The following SGSM3 variants were observed in gnomAD, a reference collection of about 807,000 sequenced individuals.
SGSM3 encodes RUN and SH3 containing 3.
A neutral mutation model predicts 100.5 loss-of-function variants in SGSM3; 96 were observed. The observed-to-expected ratio is 0.96, with a 90% confidence interval of 0.81 to 1.13. SGSM3 has a LOEUF of 1.13. Ranked by LOEUF, SGSM3 falls within the 50% of genes most tolerant of loss-of-function variation. SGSM3 has a pLI of 0.00. For missense variants in SGSM3, 1,001 were observed against 1,015.8 expected (o/e 0.99, Z 0.20); for synonymous variants, 483 against 422.8 (o/e 1.14, Z -1.75).
In SGSM3 at chr22:40,371,685, C is replaced by A. The variant is rs568658549; in HGVS notation, c.-112+997C>A. ...TGTTCTTGGTGATTAATTTGTAATT[C>A]TTCTTTTCTTTTCTTTTCTATTTTT... On this transcript the variant is annotated intron_variant, in intron 1 of 21. Coordinates refer to ENST00000248929, the MANE Select transcript of SGSM3 (RefSeq NM_015705.6). 5.3e-5 allele frequency among the ~76,000 whole-genome samples: 8 copies of A among 151,798 alleles called. No individual in the cohort carries two copies. In the South Asian group the frequency reaches 1.7e-3, roughly 32 times the overall value.
intron 1 of SGSM3, among the ~76,000 whole-genome samples, chr22:40,394,154 A>G (rs977610915): frequency 6.6e-6 from 1 of 152,064 alleles, no homozygotes; most frequent in East Asian, 1.9e-4. Context: ...GATGTTTCCA[A>G]CGTTTACATT....
intron 1 of SGSM3, among the ~76,000 whole-genome samples, chr22:40,385,543 G>A (rs745580636): frequency 2.0e-5 from 3 of 152,144 alleles, no homozygotes; most frequent in Non-Finnish European, 4.4e-5. Flanking sequence ...CTGAGAGGGC[G>A]GGCAGAAAGA....
At position 40,407,343 on chromosome 22, in the gene SGSM3, C is replaced by T; in HGVS notation, c.1368+15C>T. 1 of 1,613,226 alleles carries T rather than the reference C, an allele frequency of 6.2e-7. No homozygotes were observed. ...ACTGCAGCGTGGTGAGTCGCCAGCT[C>T]CCTGGGCTGCTACCAAACACGGCCC... is the stretch of plus-strand genomic sequence containing the variant. On this transcript the variant is annotated intron_variant, in intron 12 of 21. Coordinates refer to ENST00000248929, the MANE Select transcript of SGSM3 (RefSeq NM_015705.6). This position sits in a 1 kb window ranked among gnomAD's most constrained non-coding sequence, Gnocchi z 4.7.
chr22:40,373,528 G>A (rs142009483), intron 1 of SGSM3: 2 of 152,328 alleles, frequency 1.3e-5, no homozygotes, highest in East Asian at 3.9e-4. Context: ...CATGGATCTT[G>A]CCCTCAGGTA....
intron 1 of SGSM3, among the ~76,000 whole-genome samples, chr22:40,374,167 G>C (rs2046119987): frequency 6.6e-6 from 1 of 151,058 alleles, no homozygotes; most frequent in South Asian, 2.1e-4. Flanking sequence ...GTGTTAGCCA[G>C]AATGGTCTTG....
intron 4 of SGSM3, among the ~76,000 whole-genome samples, chr22:40,403,782 GGAGGT>G (rs899691617): frequency 6.6e-6 from 1 of 152,166 alleles, no homozygotes; most frequent in African/African-American, 2.4e-5. Flanking sequence ...ACAGCCTTTG[GGAGGT>G]GAGGGTAGCA....
Position 40,408,992 on chromosome 22 carries a change from C to T in SGSM3, c.1962C>T (p.Leu654=), listed in dbSNP as rs769920748. Residue 654 remains leucine (L), a synonymous_variant, in exon 19 of 22, where the codon CTC becomes CTT. Coordinates refer to ENST00000248929, the MANE Select transcript of SGSM3 (RefSeq NM_015705.6). ...TGCATGCACAAATGGATGTGAAGCTCCGCTCACTGATCTGCGTGGGGCTCA... is the reference window on the plus strand; with the variant it reads ...TGCATGCACAAATGGATGTGAAGCTTCGCTCACTGATCTGCGTGGGGCTCA... The part of the protein sequence containing the change: ...DAVHAQMDVK[L]RSLICVGLNE... 7.6e-6 allele frequency: 12 copies of T among 1,580,484 alleles called. No homozygotes were observed. The highest frequency in any genetic ancestry group is 5.7e-5 in the South Asian group (5 of 87,722).
At chr22:40,409,073 G>C (rs1434468544) in intron 19 of SGSM3, 55 bp downstream of exon 19, 1 of 1,551,434 alleles carries the variant, frequency 6.4e-7, no homozygotes, top group African/African-American at 1.4e-5. Flanking sequence ...ACCCAGCCCA[G>C]CATCAGGGGG....
chr22:40,401,960 A>G (rs1273055454), intron 3 of SGSM3, among the ~76,000 whole-genome samples, 179 bp from the exon 4 acceptor site: 1 of 152,214 alleles, frequency 6.6e-6, no homozygotes, highest in African/African-American at 2.4e-5. Context: ...AGAAATTGCT[A>G]GAAGAAGGTT....
chr22:40,381,996 T>C (rs2047651365), intron 1 of SGSM3, among the ~76,000 whole-genome samples: 1 of 152,170 alleles, frequency 6.6e-6, no homozygotes, highest in South Asian at 2.1e-4. Context: ...AGATTTGTCT[T>C]TCTATCAGAT....
Position 40,407,687 on chromosome 22 carries a change from G to A in SGSM3, c.1525-102G>A, listed in dbSNP as rs983797046. ...AGAGCTTCTCTTGTGAAGATGTAGG[G>A]GTCTTGGCCTGGCCTAGTTGCTGAG... On this transcript the variant is annotated intron_variant, in intron 13 of 21. Coordinates refer to ENST00000248929, the MANE Select transcript of SGSM3 (RefSeq NM_015705.6). This position sits in a 1 kb window ranked among gnomAD's most constrained non-coding sequence, Gnocchi z 4.7. 41 of 1,584,588 alleles carry A rather than the reference G, an allele frequency of 2.6e-5. No individual in the cohort carries two copies. In the Admixed American group the frequency reaches 6.5e-4, roughly 25 times the overall value.
intron 1 of SGSM3, among the ~76,000 whole-genome samples, chr22:40,396,471 T>TG (rs2050056507): frequency 6.6e-6 from 1 of 151,750 alleles, no homozygotes; most frequent in Admixed American, 6.6e-5. Context: ...CACATGCCTG[T>TG]GATCCCAGCT....
chr22:40,402,689 A>G (rs1644763644), intron 4 of SGSM3, among the ~76,000 whole-genome samples: 1 of 152,224 alleles, frequency 6.6e-6, no homozygotes, highest in African/African-American at 2.4e-5. Flanking sequence ...CAGTGAGCTG[A>G]GACTGCGCCA....
Position 40,386,866 on chromosome 22 carries a change from A to G in SGSM3, c.-111-13830A>G, listed in dbSNP as rs200759922. On this transcript the variant is annotated intron_variant, in intron 1 of 21. Coordinates refer to ENST00000248929, the MANE Select transcript of SGSM3 (RefSeq NM_015705.6). Reference sequence around the variant, plus strand: ...CTCTAAATATAGGTGCAGATCTGTTAGAGAAGTTGGTTTGCTCTTATGAGA... The same window carrying G: ...CTCTAAATATAGGTGCAGATCTGTTGGAGAAGTTGGTTTGCTCTTATGAGA... Among the ~76,000 whole-genome samples, 22 of 152,220 alleles carry G rather than the reference A, an allele frequency of 1.4e-4. No individual in the cohort carries two copies. The East Asian group carries it at 2.9e-3, about 20-fold the overall frequency.
chr22:40,408,221 GGGTGACT>G (rs1488455216), intron 15 of SGSM3, 49 bp from the exon 16 acceptor site: 1 of 1,608,110 alleles, frequency 6.2e-7, no homozygotes, highest in African/African-American at 1.3e-5. Flanking sequence ...GGACAGAGGA[GGGTGACT>G]GGCTGCAGGC....
intron 10 of SGSM3, 82 bp downstream of exon 10, chr22:40,406,744 G>A (rs1296870232): frequency 8.1e-7 from 1 of 1,229,684 alleles, no homozygotes; most frequent in Non-Finnish European, 1.2e-6. Context: ...CGCGGGGGCT[G>A]CGGAAAACAA....
Position 40,408,850 on chromosome 22 carries a change from G to GGCCTCCTCT in SGSM3, c.1902+12_1902+20dup. 1 of 1,613,888 alleles carries GGCCTCCTCT rather than the reference G, an allele frequency of 6.2e-7. No individual in the cohort carries two copies. ...GAGGAGCTGCTCTACCGGGTAAGGG[G>GGCCTCCTCT]GCCTCCTCTGCCAGACCCTAGAGAC... On this transcript the variant is annotated intron_variant, in intron 18 of 21. Transcript: ENST00000248929.
chr22:40,397,543 A>T (rs905674469), intron 1 of SGSM3, among the ~76,000 whole-genome samples: 1 of 152,212 alleles, frequency 6.6e-6, no homozygotes. Flanking sequence ...ACAGCCAGAG[A>T]GGGCTCAGAG....
chr22:40,404,130 G>A, intron 4 of SGSM3, 117 bp from the exon 5 acceptor site: 1 of 782,668 alleles, frequency 1.3e-6, no homozygotes, highest in Non-Finnish European at 1.9e-6. Flanking sequence ...GGATATGGTG[G>A]GAGAGAGCTG....
Sources: gnomAD v4.1 joint callset for allele counts (sites outside exome capture counted in the v4.1 genomes callset) on GRCh38, gnomAD v4.1.1 for gene constraint, Gnocchi (gnomAD v3.1) non-coding constraint, MANE v1.5 for transcripts, NCBI Gene and HGNC (gene_info 2026-07-23, HGNC 2026-07-21) for gene names.